Variants in GALNT2 observed in about 807,000 individuals in gnomAD.
GALNT2 encodes the protein polypeptide N-acetylgalactosaminyltransferase 2.
In GALNT2, 31 loss-of-function variants were observed where a neutral mutation model predicts 81.4. The observed-to-expected ratio is 0.38, with a 90% CI of 0.29 to 0.51. The LOEUF is 0.51. Ranked by LOEUF, GALNT2 falls within the 20% of genes least tolerant of loss-of-function variation. The pLI, the probability that GALNT2 is intolerant of heterozygous loss-of-function variation, is 0.87. For synonymous variants in GALNT2, 303 were observed against 287.4 expected (o/e 1.05, Z -0.55); for missense variants, 629 against 765.7 (o/e 0.82, Z 2.11).
At chr1:230,267,857 T>G (rs896249283) in intron 14 of GALNT2, among the ~76,000 whole-genome samples, 3 of 151,586 alleles carry the variant, frequency 2.0e-5, no homozygotes, top group African/African-American at 7.3e-5. Context: ...CTGTTAACTG[T>G]GTTCTCAGTC....
chr1:230,105,715 G>C (rs1342416329), intron 1 of GALNT2, among the ~76,000 whole-genome samples: 1 of 152,182 alleles, frequency 6.6e-6, no homozygotes, highest in Non-Finnish European at 1.5e-5. Context: ...CAGAGAACGT[G>C]AGCACCTGTG....
chr1:230,224,352 A>G (rs1664641617), intron 3 of GALNT2, among the ~76,000 whole-genome samples: 1 of 152,246 alleles, frequency 6.6e-6, no homozygotes, highest in Non-Finnish European at 1.5e-5. Context: ...AGTCTCTCTG[A>G]AATGACTCTA....
intron 1 of GALNT2, among the ~76,000 whole-genome samples, chr1:230,112,348 T>G (rs904090079): frequency 7.2e-6 from 1 of 139,024 alleles, no homozygotes; most frequent in Non-Finnish European, 1.5e-5. Context: ...GGTGGGTAGT[T>G]CTTAAAGGGA....
chr1:230,277,235 G>A lies in GALNT2; in HGVS notation c.1561-2068G>A, dbSNP rs1357743069. Among the ~76,000 whole-genome samples the A allele has an allele frequency of 2.0e-5, 3 of 152,146 alleles. No homozygotes were observed. In the East Asian group the frequency reaches 5.8e-4, roughly 29 times the overall value. ...TGTGGGGGCTGTTTCAGTAGAGTCT[G>A]ACTGCCTTGAAAATCTGCGCTCCCC... On this transcript the variant is annotated intron_variant, in intron 15 of 15. Transcript: ENST00000366672.
At chr1:230,267,635 G>A (rs552286819) in intron 14 of GALNT2, among the ~76,000 whole-genome samples, 1 of 152,324 alleles carries the variant, frequency 6.6e-6, no homozygotes, top group African/African-American at 2.4e-5. Flanking sequence ...AGCCCCCCTG[G>A]GTACTCGTCA....
At chr1:230,129,070 C>T (rs1661286844) in intron 1 of GALNT2, among the ~76,000 whole-genome samples, 1 of 152,248 alleles carries the variant, frequency 6.6e-6, no homozygotes, top group African/African-American at 2.4e-5. Flanking sequence ...ACGCATCAGT[C>T]ATTCGGTGTA....
intron 1 of GALNT2, among the ~76,000 whole-genome samples, chr1:230,125,125 C>T (rs940322367): frequency 7.9e-5 from 12 of 152,224 alleles, no homozygotes; most frequent in African/African-American, 2.4e-4. Context: ...GTGAAGGCTT[C>T]CCAAGCCTGG....
chr1:230,083,465 CA>C (rs1659809205), intron 1 of GALNT2, among the ~76,000 whole-genome samples: 1 of 134,926 alleles, frequency 7.4e-6, no homozygotes, highest in Non-Finnish European at 1.6e-5. Flanking sequence ...TTGGAGCAGA[CA>C]GTTGGGATGA....
intron 1 of GALNT2, among the ~76,000 whole-genome samples, chr1:230,118,993 T>C (rs1047228317): frequency 1.3e-5 from 2 of 152,188 alleles, no homozygotes; most frequent in African/African-American, 4.8e-5. Context: ...ATAAATATTT[T>C]AGTGTGTGTC....
At chr1:230,096,076 G>A (rs760045012) in intron 1 of GALNT2, among the ~76,000 whole-genome samples, 1 of 152,196 alleles carries the variant, frequency 6.6e-6, no homozygotes, top group Non-Finnish European at 1.5e-5. Context: ...CATTTGCTGG[G>A]CCAGGGATTT....
intron 1 of GALNT2, among the ~76,000 whole-genome samples, chr1:230,117,022 T>A (rs560169583): frequency 4.4e-4 from 67 of 152,356 alleles, no homozygotes; most frequent in African/African-American, 1.6e-3. Flanking sequence ...AAGGCTGCTG[T>A]AGGGTAGCCA....
chr1:230,168,379 T>C (rs1368439889), intron 1 of GALNT2, among the ~76,000 whole-genome samples: 1 of 152,240 alleles, frequency 6.6e-6, no homozygotes, highest in Admixed American at 6.5e-5. Context: ...CTAAAACGTT[T>C]AGGATGGTCT....
chr1:230,263,244 C>T, intron 13 of GALNT2: 1 of 512,842 alleles, frequency 1.9e-6, no homozygotes, highest in Non-Finnish European at 3.5e-6. Context: ...CAGAGGCAGT[C>T]CCCCGGGCCT....
At chr1:230,064,504 A>T (rs1015544542), upstream of GALNT2, among the ~76,000 whole-genome samples, 1 of 152,182 alleles carries the variant, frequency 6.6e-6, no homozygotes, top group South Asian at 2.1e-4. Context: ...AGGGCTGGGT[A>T]TAAAAATCAC....
chr1:230,136,745 G>A (rs1352068709), intron 1 of GALNT2, among the ~76,000 whole-genome samples: 2 of 152,230 alleles, frequency 1.3e-5, no homozygotes, highest in Non-Finnish European at 2.9e-5. Context: ...TAGCTTCACA[G>A]GGACTTGGAG....
chr1:230,246,297 C>T (rs944658639), intron 8 of GALNT2, 147 bp downstream of exon 8: 9 of 652,400 alleles, frequency 1.4e-5, no homozygotes, highest in African/African-American at 7.3e-5. Flanking sequence ...GTGTGCTTAA[C>T]GAGTAGGACT....
intron 1 of GALNT2, among the ~76,000 whole-genome samples, chr1:230,077,563 T>C (rs1463742486): frequency 6.6e-6 from 1 of 152,226 alleles, no homozygotes; most frequent in Non-Finnish European, 1.5e-5. Flanking sequence ...AATTTTTCCA[T>C]ATATCACTCT....
Position 230,081,966 on chromosome 1 carries a change from C to T in GALNT2, c.126+14560C>T, listed in dbSNP as rs142808038. On this transcript the variant is annotated intron_variant, in intron 1 of 15. Transcript: ENST00000366672. ...ATGATGCTGACGAGCTTAGTGAGGA[C>T]GTTTATTTGTGCTTGCTCTCCCTTC... 1.1e-3 allele frequency among the ~76,000 whole-genome samples: 160 copies of T among 152,270 alleles called. 2 individuals carry two copies. Among genetic ancestry groups the T allele is most frequent in the African/African-American group, 3.4e-3 (140 of 41,550 alleles).
At chr1:230,211,021 T>C (rs1362325898) in intron 3 of GALNT2, among the ~76,000 whole-genome samples, 1 of 152,140 alleles carries the variant, frequency 6.6e-6, no homozygotes, top group East Asian at 1.9e-4. Flanking sequence ...GAGTTTTCTT[T>C]TTAGGGGGGC....
Sources: gnomAD v4.1 joint callset for allele counts (sites outside exome capture counted in the v4.1 genomes callset) on GRCh38, gnomAD v4.1.1 for gene constraint, MANE v1.5 for transcripts, NCBI Gene and HGNC (gene_info 2026-07-23, HGNC 2026-07-21) for gene names.